DMXL2: variants seen among roughly 807,000 people sequenced by gnomAD.
The protein encoded by DMXL2 is Dmx like 2.
Under a neutral mutation model 331.1 loss-of-function variants are expected in DMXL2, and 103 were observed. That is an observed-to-expected ratio of 0.31 (90% CI 0.27 to 0.37). The LOEUF (loss-of-function observed/expected upper bound fraction) is 0.37. Among genes scored for constraint, DMXL2 ranks in the 10% least tolerant of loss-of-function variants. The probability of loss-of-function intolerance (pLI) is 1.00; values close to 1 mark genes in which losing one functional copy is unlikely to be tolerated. For synonymous variants in DMXL2, 1,281 were observed against 1,252.1 expected (o/e 1.02, Z -0.49); for missense variants, 3,171 against 3,642.9 (o/e 0.87, Z 3.33).
intron 8 of DMXL2, among the ~76,000 whole-genome samples, chr15:51,543,937 T>C (rs958153094): frequency 6.6e-6 from 1 of 152,186 alleles, no homozygotes; most frequent in African/African-American, 2.4e-5. Flanking sequence ...AAGGCTCATA[T>C]ATAATTTGAA....
chr15:51,494,144 T>C (rs1425122211), intron 19 of DMXL2, among the ~76,000 whole-genome samples: 1 of 152,164 alleles, frequency 6.6e-6, no homozygotes, highest in African/African-American at 2.4e-5. Context: ...ATTAGAGTGA[T>C]AATTCAAATA....
chr15:51,541,721 T>C (rs2048607702), intron 9 of DMXL2, among the ~76,000 whole-genome samples: 1 of 152,200 alleles, frequency 6.6e-6, no homozygotes, highest in South Asian at 2.1e-4. Context: ...ATATAAAATT[T>C]ATAGCCTTTC....
intron 6 of DMXL2, among the ~76,000 whole-genome samples, chr15:51,551,688 C>A (rs763732139): frequency 6.6e-5 from 10 of 151,300 alleles, no homozygotes; most frequent in Admixed American, 2.6e-4. Flanking sequence ...GGAACATTTA[C>A]AAGATTTACT....
chr15:51,599,899 C>T (rs1044780964), intron 1 of DMXL2, among the ~76,000 whole-genome samples: 11 of 152,102 alleles, frequency 7.2e-5, no homozygotes, highest in Admixed American at 3.3e-4. Flanking sequence ...CAGGGTTTCA[C>T]TGTGTTAGCC....
chr15:51,595,533 T>C (rs1389468904), intron 1 of DMXL2, among the ~76,000 whole-genome samples: 2 of 152,214 alleles, frequency 1.3e-5, no homozygotes, highest in Non-Finnish European at 2.9e-5. Flanking sequence ...TCCATCAAGC[T>C]ACCAATGACT....
At chr15:51,551,235 T>C (rs564808101) in intron 6 of DMXL2, among the ~76,000 whole-genome samples, 3 of 152,318 alleles carry the variant, frequency 2.0e-5, no homozygotes, top group Non-Finnish European at 4.4e-5. Flanking sequence ...CAAGACACAT[T>C]TGCTTAACCT....
chr15:51,565,194 G>T, intron 3 of DMXL2, 28 bp from the exon 4 acceptor site: 1 of 1,434,226 alleles, frequency 7.0e-7, no homozygotes, highest in Non-Finnish European at 9.4e-7. Context: ...AAAGAAATAA[G>T]AAAAAAGAAA....
At chr15:51,551,823 G>A (rs2049240470) in intron 6 of DMXL2, among the ~76,000 whole-genome samples, 1 of 152,184 alleles carries the variant, frequency 6.6e-6, no homozygotes, top group South Asian at 2.1e-4. Context: ...CTTTAGAAAG[G>A]AAGGCAACAT....
At chr15:51,553,252 T>C (rs1233850203) in intron 6 of DMXL2, among the ~76,000 whole-genome samples, 1 of 152,158 alleles carries the variant, frequency 6.6e-6, no homozygotes, top group Non-Finnish European at 1.5e-5. Flanking sequence ...CACACAACAG[T>C]TCAGGGTATA....
chr15:51,496,028 G>A (rs78271621), intron 18 of DMXL2, among the ~76,000 whole-genome samples: 1,757 of 151,842 alleles, frequency 0.012, 27 homozygotes, highest in East Asian at 0.025. Flanking sequence ...ATTTATTTAT[G>A]GACATGAGAT....
chr15:51,496,252 A>G (rs1003814942), intron 18 of DMXL2, among the ~76,000 whole-genome samples: 3 of 152,212 alleles, frequency 2.0e-5, no homozygotes, highest in African/African-American at 4.8e-5. Flanking sequence ...CTTGGGGATC[A>G]TATTTTAGGA....
At chr15:51,567,183 T>C (rs567266350) in intron 3 of DMXL2, 18 of 151,922 alleles carry the variant, frequency 1.2e-4, no homozygotes, top group African/African-American at 4.1e-4. Flanking sequence ...GCAGGGACTA[T>C]AGGCACGTGC....
At chr15:51,570,413 C>A (rs777354492) in intron 2 of DMXL2, among the ~76,000 whole-genome samples, 2 of 151,974 alleles carry the variant, frequency 1.3e-5, no homozygotes, top group Non-Finnish European at 2.9e-5. Context: ...GAAAGACAGG[C>A]CAAAATTCAA....
intron 20 of DMXL2, among the ~76,000 whole-genome samples, chr15:51,489,208 A>G (rs922327886): frequency 6.6e-6 from 1 of 152,242 alleles, no homozygotes; most frequent in Non-Finnish European, 1.5e-5. Flanking sequence ...CAAGATGCTG[A>G]GATATAGCCT....
intron 31 of DMXL2, 56 bp from the exon 32 acceptor site, chr15:51,464,932 A>C: frequency 7.2e-7 from 1 of 1,396,996 alleles, no homozygotes; most frequent in African/African-American, 1.5e-5. Flanking sequence ...ATCATCACCC[A>C]AATATTTATA....
chr15:51,565,535 A>T (rs2050213901), intron 3 of DMXL2, among the ~76,000 whole-genome samples: 1 of 152,154 alleles, frequency 6.6e-6, no homozygotes, highest in African/African-American at 2.4e-5. Flanking sequence ...GCCTTCTCTG[A>T]CATCCTGGCA....
chr15:51,479,212 C>T (rs2041824998), intron 25 of DMXL2, among the ~76,000 whole-genome samples: 1 of 152,080 alleles, frequency 6.6e-6, no homozygotes, highest in Non-Finnish European at 1.5e-5. Flanking sequence ...TGGTTATGAC[C>T]AGGCCTTTAG....
chr15:51,451,712 C>A lies in DMXL2; in HGVS notation c.8697-15G>T, dbSNP rs190511003. ...GGCAAACATTTCTTTTAAAGAAACACAATAACAAAAATACATCATAAATGA... is the reference window on the plus strand; with the variant it reads ...GGCAAACATTTCTTTTAAAGAAACAAAATAACAAAAATACATCATAAATGA... On this transcript the variant is annotated splice_polypyrimidine_tract_variant and intron_variant, in intron 41 of 43. Coordinates refer to ENST00000560891, the MANE Select transcript of DMXL2 (RefSeq NM_001378457.1). 47 of 1,604,586 alleles carry A rather than the reference C, an allele frequency of 2.9e-5. No homozygotes were observed. The East Asian group carries it at 9.8e-4, about 34-fold the overall frequency.
chr15:51,476,815 C>T (rs541739792), intron 26 of DMXL2, 96 bp from the exon 27 acceptor site: 2 of 1,015,516 alleles, frequency 2.0e-6, no homozygotes, highest in African/African-American at 3.4e-5. Flanking sequence ...TTTTAAGAAA[C>T]AAAAATTCTT....
Sources: gnomAD v4.1 joint callset for allele counts (sites outside exome capture counted in the v4.1 genomes callset) on GRCh38, gnomAD v4.1.1 for gene constraint, MANE v1.5 for transcripts, NCBI Gene and HGNC (gene_info 2026-07-23, HGNC 2026-07-21) for gene names.